The following DAGLA variants were observed in gnomAD, a reference collection of about 807,000 sequenced individuals.
DAGLA encodes the protein diacylglycerol lipase alpha, also known as diacylglycerol lipase-alpha.
Under a neutral mutation model 102.6 loss-of-function variants are expected in DAGLA, and 22 were observed. The observed-to-expected ratio is 0.21, with a 90% CI of 0.15 to 0.31. The LOEUF (loss-of-function observed/expected upper bound fraction) is 0.31. Ranked by LOEUF, DAGLA falls within the 10% of genes least tolerant of loss-of-function variation. DAGLA has a pLI of 1.00. For synonymous variants in DAGLA, 578 were observed against 628.9 expected, an observed-to-expected ratio of 0.92 and a Z score of 1.21; for missense variants, 927 against 1,446.6, an observed-to-expected ratio of 0.64 and a Z score of 5.83.
At chr11:61,735,506 C>A in intron 10 of DAGLA, 55 bp from the exon 11 acceptor site, 1 of 1,528,648 alleles carries the variant, frequency 6.5e-7, no homozygotes, top group Non-Finnish European at 9.0e-7. Context: ...AGGTCACTTT[C>A]CCTGAGTGTG....
intron 1 of DAGLA, among the ~76,000 whole-genome samples, chr11:61,682,844 A>C (rs1234344083): frequency 1.4e-5 from 1 of 72,692 alleles, no homozygotes; most frequent in African/African-American, 7.0e-5. Context: ...GCTGGATGGC[A>C]GGGGGACGGG....
intron 16 of DAGLA, among the ~76,000 whole-genome samples, chr11:61,739,188 G>A (rs1283585887): frequency 6.6e-6 from 1 of 152,172 alleles, no homozygotes; most frequent in East Asian, 1.9e-4. Context: ...TGAGGGGTTG[G>A]CTGGGCTTCC....
chr11:61,692,127 C>A (rs1281063558), intron 1 of DAGLA, among the ~76,000 whole-genome samples: 1 of 152,194 alleles, frequency 6.6e-6, no homozygotes, highest in Non-Finnish European at 1.5e-5. Flanking sequence ...TGCATTAGAG[C>A]CTGCTGTGAT....
At chr11:61,696,155 G>A (rs2065063406) in intron 1 of DAGLA, among the ~76,000 whole-genome samples, 1 of 152,192 alleles carries the variant, frequency 6.6e-6, no homozygotes, top group East Asian at 1.9e-4. Flanking sequence ...GGAGGGGCTG[G>A]GCACCCCGTT....
intron 18 of DAGLA, among the ~76,000 whole-genome samples, 190 bp from the exon 19 acceptor site, chr11:61,740,972 G>A (rs756830817): frequency 6.6e-6 from 1 of 152,196 alleles, no homozygotes; most frequent in Non-Finnish European, 1.5e-5. Flanking sequence ...CGGGCTGTGG[G>A]GCGAGTCGTG....
chr11:61,690,571 G>C (rs1419866030), intron 1 of DAGLA, among the ~76,000 whole-genome samples: 1 of 152,138 alleles, frequency 6.6e-6, no homozygotes, highest in Non-Finnish European at 1.5e-5. Flanking sequence ...CTGTGCTCAG[G>C]ACAGTCCCAT....
At chr11:61,720,963 G>T (rs1268796905) in intron 3 of DAGLA, 73 bp downstream of exon 3, 13 of 1,439,812 alleles carry the variant, frequency 9.0e-6, no homozygotes, top group Non-Finnish European at 1.2e-5. Flanking sequence ...AGTATTTACT[G>T]CGCACATGTT....
chr11:61,737,436 T>G lies in DAGLA; in HGVS notation c.1514+112T>G, dbSNP rs1332420382. 6.1e-6 allele frequency: 9 copies of G among 1,485,788 alleles called. No homozygotes were observed. The African/African-American group carries it at 9.7e-5, about 16-fold the overall frequency. The allele number at this position is 1,485,788 out of a possible 1,614,324, so 92.0% of individuals were successfully genotyped here. ...AGTCTGACTTCTGGTCACATGGAGG[T>G]CTGGGAGTGGCCTGGAGGGTGGAGG... On this transcript the variant is annotated intron_variant, in intron 14 of 19. Coordinates refer to ENST00000257215, the MANE Select transcript of DAGLA (RefSeq NM_006133.3).
chr11:61,695,752 CCT>C (rs2065059778), intron 1 of DAGLA, among the ~76,000 whole-genome samples: 1 of 152,224 alleles, frequency 6.6e-6, no homozygotes, highest in African/African-American at 2.4e-5. Flanking sequence ...CTCTATCTTG[CCT>C]TTTTGGGGTC....
At chr11:61,689,991 C>T (rs2065011571) in intron 1 of DAGLA, among the ~76,000 whole-genome samples, 1 of 152,186 alleles carries the variant, frequency 6.6e-6, no homozygotes, top group Non-Finnish European at 1.5e-5. Context: ...ATGCCATCCT[C>T]TCTGGTCTGG....
intron 1 of DAGLA, among the ~76,000 whole-genome samples, chr11:61,715,827 A>G (rs1211623987): frequency 6.6e-6 from 1 of 152,256 alleles, no homozygotes; most frequent in Non-Finnish European, 1.5e-5. Context: ...GGACCTGTGC[A>G]GAGTCCTGTA....
chr11:61,708,847 C>T (rs901641824), intron 1 of DAGLA, among the ~76,000 whole-genome samples: 4 of 152,166 alleles, frequency 2.6e-5, no homozygotes, highest in East Asian at 1.9e-4. Flanking sequence ...GGACCAAAGC[C>T]GGGTCCAGTC....
At chr11:61,715,599 G>A (rs907351868) in intron 1 of DAGLA, among the ~76,000 whole-genome samples, 3 of 152,228 alleles carry the variant, frequency 2.0e-5, no homozygotes, top group Non-Finnish European at 4.4e-5. Flanking sequence ...CCAGCCTGGG[G>A]TGCTTTTACC....
At chr11:61,726,934 C>A (rs776761141) in intron 6 of DAGLA, among the ~76,000 whole-genome samples, 1 of 152,228 alleles carries the variant, frequency 6.6e-6, no homozygotes, top group African/African-American at 2.4e-5. Flanking sequence ...CTCTCTGGGG[C>A]GGTCTGAGGG....
chr11:61,687,176 G>C (rs1255649605), intron 1 of DAGLA, among the ~76,000 whole-genome samples: 2 of 152,136 alleles, frequency 1.3e-5, no homozygotes, highest in African/African-American at 2.4e-5. Flanking sequence ...TAGGGAGCTT[G>C]CATCACCTGC....
Position 61,684,788 on chromosome 11 carries a change from G to T in DAGLA, c.-45+4284G>T, listed in dbSNP as rs2064973719. Among the ~76,000 whole-genome samples the T allele has an allele frequency of 6.6e-6, 1 of 152,120 alleles. No homozygotes were observed. The highest frequency in any genetic ancestry group is 6.5e-5 in the Admixed American group (1 of 15,280). On this transcript the variant is annotated intron_variant, in intron 1 of 19. Transcript: ENST00000257215. This position sits in a 1 kb window ranked among gnomAD's most constrained non-coding sequence, Gnocchi z 4.5. ...GGTGTGGGAGCGCGCAGGCTCCCGT[G>T]TCTGGCTGGCCTGGTGTTGGTGGGT... is the stretch of plus-strand genomic sequence containing the variant.
intron 19 of DAGLA, among the ~76,000 whole-genome samples, chr11:61,741,607 CTTTTTTTTTTT>C (rs34881719): frequency 2.3e-5 from 3 of 132,020 alleles, no homozygotes; most frequent in Non-Finnish European, 4.9e-5. Context: ...CAGATTCACT[CTTTTTTTTTTT>C]TTTTTTTTTT....
In DAGLA at chr11:61,741,367, C is replaced by T. The variant is rs1361140243; in HGVS notation, c.2171+18C>T. 1 of 1,597,778 alleles carries T rather than the reference C, an allele frequency of 6.3e-7. No homozygotes were observed. The highest frequency in any genetic ancestry group is 8.5e-7 in the Non-Finnish European group (1 of 1,177,108). ...AGCGTCAGGTGAGCCTTGGCCACTC[C>T]CAGCCCCACCCCAGGGTGAGTGTGG... On this transcript the variant is annotated intron_variant, in intron 19 of 19. Coordinates refer to ENST00000257215, the MANE Select transcript of DAGLA (RefSeq NM_006133.3).
chr11:61,721,071 G>A (rs2065278045), intron 3 of DAGLA, among the ~76,000 whole-genome samples, 181 bp downstream of exon 3: 2 of 152,218 alleles, frequency 1.3e-5, no homozygotes, highest in Admixed American at 1.3e-4. Flanking sequence ...GCAGCCTGAG[G>A]GCCAAATCCA....
Sources: allele counts gnomAD v4.1 joint callset (sites outside exome capture counted in the v4.1 genomes callset), GRCh38; gene constraint gnomAD v4.1.1; non-coding constraint Gnocchi (gnomAD v3.1); transcripts MANE v1.5; gene names NCBI Gene and HGNC (gene_info 2026-07-23, HGNC 2026-07-21).